The following TMEM204 variants were observed in gnomAD, a reference collection of about 807,000 sequenced individuals.
TMEM204 encodes the protein claudin-like protein 24.
A neutral mutation model predicts 19.4 loss-of-function variants in TMEM204; 15 were observed. The observed-to-expected ratio is 0.77, with a 90% CI of 0.52 to 1.19. TMEM204 has a LOEUF of 1.19. Among genes scored for constraint, TMEM204 ranks in the 50% most tolerant of loss-of-function variants. The pLI is 0.00. For missense variants in TMEM204, 287 were observed against 321.2 expected (o/e 0.89, Z 0.81); for synonymous variants, 161 against 146.0 (o/e 1.10, Z -0.74).
chr16:1,532,570 G>A (rs921729837), upstream of TMEM204: 4 of 152,440 alleles, frequency 2.6e-5, no homozygotes, highest in South Asian at 6.2e-4. Context: ...GGCAGTGCAA[G>A]GACAGGAAAC....
At chr16:1,529,330 C>G (rs114478246), upstream of TMEM204, among the ~76,000 whole-genome samples, 1 of 152,212 alleles carries the variant, frequency 6.6e-6, no homozygotes, top group African/African-American at 2.4e-5. Flanking sequence ...TCTGGGGGGC[C>G]GGGAAGTGAG....
Position 1,555,000 on chromosome 16 carries a change from A to G in TMEM204, c.655A>G (p.Asn219Asp). The stretch of plus-strand genomic sequence containing the variant: ...AGCGCGCTTTCGCCGTGGGCTGGAC[A>G]ATGACTACGTGGAGTCACCATGCTG... ...LTARFRRGLD[N>D]DYVESPC is the part of the protein sequence containing the mutation. Residue 219 changes from asparagine to aspartate, a missense_variant, in exon 3 of 3, where the codon AAT (asparagine) becomes GAT (aspartate). By Grantham distance (23) the Asn-to-Asp change is conservative. Transcript: ENST00000566264. The G allele has an allele frequency of 8.1e-6, 13 of 1,612,908 alleles. No individual in the cohort carries two copies. The highest frequency in any genetic ancestry group is 1.1e-5 in the Non-Finnish European group (13 of 1,179,858).
intron 1 of TMEM204, chr16:1,541,575 C>T (rs2031640183): frequency 1.2e-6 from 1 of 866,590 alleles, no homozygotes; most frequent in Non-Finnish European, 1.4e-6. Flanking sequence ...CTTCCCACCT[C>T]CACCCCCACG....
upstream of TMEM204, among the ~76,000 whole-genome samples, chr16:1,530,255 C>T (rs1490122924): frequency 2.6e-5 from 4 of 151,050 alleles, no homozygotes; most frequent in East Asian, 7.8e-4. Flanking sequence ...GCCTCAGCCT[C>T]CCGAGTAGTT....
chr16:1,534,572 T>A lies in TMEM204; in HGVS notation c.280+17T>A, dbSNP rs1246397494. 2 of 1,599,334 alleles carry A rather than the reference T, an allele frequency of 1.3e-6. No homozygotes were observed. The highest frequency in any genetic ancestry group is 1.7e-5 in the Admixed American group (1 of 60,008). ...CCGTCAAACGTAAGTCCAATTGTTT[T>A]CCTGATGCCTTCAGCGTGGCCGAGG... is the stretch of plus-strand genomic sequence containing the variant. On this transcript the variant is annotated intron_variant, in intron 1 of 2. Coordinates refer to ENST00000566264, the MANE Select transcript of TMEM204 (RefSeq NM_024600.6).
intron 2 of TMEM204, among the ~76,000 whole-genome samples, chr16:1,543,617 G>GGGTAATTT (rs1329036141): frequency 3.3e-5 from 5 of 152,216 alleles, no homozygotes; most frequent in Non-Finnish European, 7.3e-5. Context: ...ACTTCGAAAA[G>GGGTAATTT]GGTAATTTCT....
At chr16:1,536,295 C>T (rs1038165837) in intron 1 of TMEM204, among the ~76,000 whole-genome samples, 3 of 152,200 alleles carry the variant, frequency 2.0e-5, no homozygotes, top group South Asian at 2.1e-4. Context: ...CCTATGCATC[C>T]GTCCCAGGCG....
chr16:1,534,627 G>A (rs12446975), intron 1 of TMEM204, 72 bp downstream of exon 1: 116,965 of 1,590,164 alleles, frequency 0.074, 6,343 homozygotes, highest in Admixed American at 0.28. Context: ...TGTTAGGCGC[G>A]GACCTGGTGA....
At chr16:1,550,412 A>G (rs2032539012) in intron 2 of TMEM204, among the ~76,000 whole-genome samples, 1 of 152,274 alleles carries the variant, frequency 6.6e-6, no homozygotes, top group South Asian at 2.1e-4. Context: ...AAGCTATGAC[A>G]CTGATCTTAA....
intron 2 of TMEM204, among the ~76,000 whole-genome samples, chr16:1,543,629 C>T (rs2031867767): frequency 6.6e-6 from 1 of 152,184 alleles, no homozygotes; most frequent in Non-Finnish European, 1.5e-5. Context: ...GTAATTTCTG[C>T]CCCCACCCAA....
chr16:1,541,010 T>G, intron 1 of TMEM204: 3 of 985,402 alleles, frequency 3.0e-6, no homozygotes, highest in Non-Finnish European at 3.6e-6. Flanking sequence ...AGGTTTTATT[T>G]GCGGGAGAAC....
At chr16:1,546,037 C>T (rs896138312) in intron 2 of TMEM204, among the ~76,000 whole-genome samples, 1 of 152,242 alleles carries the variant, frequency 6.6e-6, no homozygotes, top group Non-Finnish European at 1.5e-5. Context: ...AGCTTCTCCC[C>T]TCTCCTCCTC....
At chr16:1,538,216 C>A (rs2031272847) in intron 1 of TMEM204, among the ~76,000 whole-genome samples, 1 of 152,194 alleles carries the variant, frequency 6.6e-6, no homozygotes, top group African/African-American at 2.4e-5. Flanking sequence ...GAGCCATGCA[C>A]CCTGGGGACT....
chr16:1,544,826 T>C (rs1460630044), intron 2 of TMEM204, among the ~76,000 whole-genome samples: 1 of 151,610 alleles, frequency 6.6e-6, no homozygotes, highest in Non-Finnish European at 1.5e-5. Flanking sequence ...TTTTTTGTAT[T>C]TTTAGTAGAG....
At position 1,540,815 on chromosome 16, in the gene TMEM204, C is replaced by A. The variant is rs562675204; in HGVS notation, c.281-1106C>A. The A allele has an allele frequency of 1.2e-3, 1,199 of 985,276 alleles. 2 individuals carry two copies. The highest frequency in any genetic ancestry group is 1.4e-3 in the Non-Finnish European group (1,154 of 829,812). 61.0% of individuals were successfully genotyped at this position (985,276 alleles called of 1,614,324 possible). A position where few individuals can be genotyped will look rare whatever the true frequency, so the allele number is the denominator to read the frequency against. ...ACTTAGTTTTGGGAATCGAATTTCC[C>A]AAATATTGTTCAATAGAAAACAAGG... On this transcript the variant is annotated intron_variant, in intron 1 of 2. Coordinates refer to ENST00000566264, the MANE Select transcript of TMEM204 (RefSeq NM_024600.6).
intron 1 of TMEM204, among the ~76,000 whole-genome samples, chr16:1,536,005 C>T (rs1017003088): frequency 2.6e-5 from 4 of 152,246 alleles, no homozygotes; most frequent in Non-Finnish European, 4.4e-5. Context: ...CTGAACCTCT[C>T]GCGGGGGCAG....
upstream of TMEM204, among the ~76,000 whole-genome samples, chr16:1,530,086 T>G (rs1250900662): frequency 6.6e-6 from 1 of 151,390 alleles, no homozygotes; most frequent in Non-Finnish European, 1.5e-5. Context: ...TTGTAAGACA[T>G]GCAGTCTTTT....
At chr16:1,541,197 T>G (rs2031597847) in intron 1 of TMEM204, 1 of 985,296 alleles carries the variant, frequency 1.0e-6, no homozygotes, top group African/African-American at 1.7e-5. Context: ...GGCACAGGCC[T>G]GCTGTGAGTG....
intron 2 of TMEM204, among the ~76,000 whole-genome samples, chr16:1,549,702 G>A (rs1186395365): frequency 2.6e-5 from 4 of 152,202 alleles, no homozygotes; most frequent in African/African-American, 9.6e-5. Flanking sequence ...AAAGTGCTGG[G>A]ATTACAGGCA....
Sources: allele counts gnomAD v4.1 joint callset (sites outside exome capture counted in the v4.1 genomes callset), GRCh38; gene constraint gnomAD v4.1.1; transcripts MANE v1.5; gene names NCBI Gene and HGNC (gene_info 2026-07-23, HGNC 2026-07-21).